LMF1: variants seen among roughly 807,000 people sequenced by gnomAD.
The protein encoded by LMF1 is transmembrane protein 112.
Under a neutral mutation model 60.6 loss-of-function variants are expected in LMF1, and 68 were observed. The observed-to-expected ratio is 1.12, with a 90% CI of 0.92 to 1.37. The LOEUF is 1.37. Ranked by LOEUF, LMF1 falls within the 40% of genes most tolerant of loss-of-function variation. The pLI, the probability that LMF1 is intolerant of heterozygous loss-of-function variation, is 0.00. For synonymous variants in LMF1, 418 were observed against 324.7 expected (o/e 1.29, Z -3.09); for missense variants, 948 against 767.2 (o/e 1.24, Z -2.78).
Position 882,772 on chromosome 16 carries a change from C to T in LMF1, c.730-3035G>A, listed in dbSNP as rs529896397. Among the ~76,000 whole-genome samples, 23 of 150,676 alleles carry T rather than the reference C, an allele frequency of 1.5e-4. No homozygotes were observed. In the South Asian group the frequency reaches 2.1e-3, roughly 14 times the overall value. On this transcript the variant is annotated intron_variant, in intron 5 of 10. Transcript: ENST00000262301. ...ACCAGGAGAAAGAGGAGCTGCCCAG[C>T]GGGGCCCATCGCAGGACCAGGAGAA...
rs543282539 is a variant in LMF1, at chr16:949,963, G to C, written c.503+4394C>G. ...AGTCAGAGCCAACGACAGAGTCAGA[G>C]ACGACAGAGTCAGAGCCAACGACAG... On this transcript the variant is annotated intron_variant, in intron 2 of 10. Coordinates refer to ENST00000262301, the MANE Select transcript of LMF1 (RefSeq NM_022773.4). Among the ~76,000 whole-genome samples, 3 of 130,822 alleles carry C rather than the reference G, an allele frequency of 2.3e-5. No homozygotes were observed. In the South Asian group the frequency reaches 8.3e-4, roughly 36 times the overall value. The allele number at this position is 130,822 out of a possible 152,430, so 85.8% of individuals were successfully genotyped here.
rs1419141150 is a variant in LMF1 at position 878,265 on chromosome 16, G to C, written c.897+1305C>G. ...TGAGCAAGTCCGTTCTTCCCACTTA[G>C]ATTCACGGCGACATCGATGCCCACA... On this transcript the variant is annotated intron_variant, in intron 6 of 10. Coordinates refer to ENST00000262301, the MANE Select transcript of LMF1 (RefSeq NM_022773.4). This position sits in a 1 kb window ranked among gnomAD's most constrained non-coding sequence, Gnocchi z 5.2. Among the ~76,000 whole-genome samples the C allele has an allele frequency of 6.6e-6, 1 of 152,156 alleles. No individual in the cohort carries two copies. The highest frequency in any genetic ancestry group is 1.5e-5 in the Non-Finnish European group (1 of 68,028).
chr16:976,456 T>C (rs1429450040), intron 1 of LMF1: 1 of 453,916 alleles, frequency 2.2e-6, no homozygotes, highest in Non-Finnish European at 4.4e-6. Context: ...ATTCCAAGTC[T>C]CAGACACCGC....
intron 5 of LMF1, among the ~76,000 whole-genome samples, chr16:888,115 C>G (rs1479290605): frequency 6.6e-6 from 1 of 152,252 alleles, no homozygotes; most frequent in South Asian, 2.1e-4. Flanking sequence ...ACGACGTCGG[C>G]CCAAGCTCAC....
chr16:888,951 G>A (rs945764814), intron 5 of LMF1, among the ~76,000 whole-genome samples: 8 of 152,212 alleles, frequency 5.3e-5, no homozygotes, highest in Non-Finnish European at 1.0e-4. Context: ...CTGGCCCTGG[G>A]ATCCTGGGGG....
rs868370332 is a variant in LMF1 at position 915,527 on chromosome 16, C to T, written c.515-4448G>A. Among the ~76,000 whole-genome samples, 11 of 152,278 alleles carry T rather than the reference C, an allele frequency of 7.2e-5. No homozygotes were observed. In the South Asian group the frequency reaches 1.5e-3, roughly 20 times the overall value. On this transcript the variant is annotated intron_variant, in intron 3 of 10. Coordinates refer to ENST00000262301, the MANE Select transcript of LMF1 (RefSeq NM_022773.4). ...ACCAAGAGGCGAGATCTGCGCCTGG[C>T]GGCCTGGGGCATGTGGGAACATGTG...
upstream of LMF1, chr16:975,819 T>G (rs1262827760): frequency 2.2e-6 from 1 of 454,162 alleles, no homozygotes. Flanking sequence ...TCTGGAACGT[T>G]CCATCCTGGC....
intron 3 of LMF1, among the ~76,000 whole-genome samples, chr16:924,761 G>C (rs1054043199): frequency 6.6e-6 from 1 of 152,220 alleles, no homozygotes; most frequent in Non-Finnish European, 1.5e-5. Context: ...CCCAGAAAAA[G>C]CAAGCAACTA....
At chr16:890,290 C>A (rs35954112) in intron 5 of LMF1, among the ~76,000 whole-genome samples, 10 of 152,234 alleles carry the variant, frequency 6.6e-5, no homozygotes, top group Admixed American at 1.3e-4. Context: ...CCAAGGGGCC[C>A]CCGGGAAGCA....
At chr16:948,028 ACAACGACAGAGTCAGC>A (rs1165599091) in intron 2 of LMF1, among the ~76,000 whole-genome samples, 6 of 78,512 alleles carry the variant, frequency 7.6e-5, no homozygotes, top group Admixed American at 2.6e-4. Flanking sequence ...AGAGTCAGAG[ACAACGACAGAGTCAGC>A]CAATGACAGA....
intron 4 of LMF1, among the ~76,000 whole-genome samples, chr16:895,257 G>A (rs898053033): frequency 1.3e-5 from 2 of 152,188 alleles, no homozygotes; most frequent in Admixed American, 6.5e-5. Flanking sequence ...CTCCAGCCTC[G>A]GTCTCCTGCC....
upstream of LMF1, among the ~76,000 whole-genome samples, chr16:971,460 C>T (rs983723786): frequency 6.6e-5 from 10 of 152,220 alleles, no homozygotes; most frequent in Admixed American, 6.5e-4. Flanking sequence ...GGGCGATCGT[C>T]GCAGCCAGCA....
Position 954,605 on chromosome 16 carries a change from A to G in LMF1, c.255T>C (p.Leu85=), listed in dbSNP as rs12448005. 105,109 of 1,610,594 alleles carry G rather than the reference A, an allele frequency of 0.065. 3,766 individuals carry two copies. The highest frequency in any genetic ancestry group is 0.073 in the Non-Finnish European group (86,523 of 1,177,612). Residue 85 remains leucine (L), a synonymous_variant, in exon 2 of 11, where the codon CTT becomes CTC. Transcript: ENST00000262301. ...AGTTCTTCAGGAACACTCTGCAGGG[A>G]AGCAGCCCCCTGTCACCGATGAGCT... ...NKQLIGDRGL[L]PCRVFLKNFQ...
chr16:877,082 G>T (rs568724326), intron 6 of LMF1, among the ~76,000 whole-genome samples: 24 of 151,514 alleles, frequency 1.6e-4, no homozygotes, highest in African/African-American at 5.9e-4. Context: ...CTGCAGTCAC[G>T]GCACTTTAGG....
At chr16:921,201 G>A (rs2071421264) in intron 3 of LMF1, 1 of 152,268 alleles carries the variant, frequency 6.6e-6, no homozygotes, top group Admixed American at 6.5e-5. Flanking sequence ...TGGAGGATAA[G>A]AAGTCCAGGT....
intron 1 of LMF1, chr16:979,888 C>T (rs1454255362): frequency 2.5e-6 from 1 of 397,278 alleles, no homozygotes; most frequent in East Asian, 7.3e-5. Context: ...CCGCGGGCGC[C>T]CCAGGCGATG....
chr16:941,381 G>A (rs998283547), intron 2 of LMF1, among the ~76,000 whole-genome samples: 29 of 151,996 alleles, frequency 1.9e-4, no homozygotes, highest in African/African-American at 2.7e-4. Context: ...AACTATGCCC[G>A]GGTAATTTTT....
At chr16:939,774 T>A (rs985154185) in intron 2 of LMF1, among the ~76,000 whole-genome samples, 1 of 152,144 alleles carries the variant, frequency 6.6e-6, no homozygotes, top group Non-Finnish European at 1.5e-5. Context: ...GACCAGGTAA[T>A]GAAAATTGTT....
chr16:898,051 A>G (rs2070711825), intron 4 of LMF1, among the ~76,000 whole-genome samples: 2 of 152,250 alleles, frequency 1.3e-5, no homozygotes, highest in African/African-American at 4.8e-5. Context: ...TTCATGCCTC[A>G]GAACAGTGGG....
Sources: allele counts gnomAD v4.1 joint callset (sites outside exome capture counted in the v4.1 genomes callset), GRCh38; gene constraint gnomAD v4.1.1; non-coding constraint Gnocchi (gnomAD v3.1); transcripts MANE v1.5; gene names NCBI Gene and HGNC (gene_info 2026-07-23, HGNC 2026-07-21).